The following MAMDC2 variants were observed in gnomAD, a reference collection of about 807,000 sequenced individuals.
MAMDC2 encodes the protein MAM domain containing 2.
Under a neutral mutation model 89.8 loss-of-function variants are expected in MAMDC2, and 57 were observed. The observed-to-expected ratio is 0.63, with a 90% CI of 0.51 to 0.79. The LOEUF is 0.79. Among genes scored for constraint, MAMDC2 ranks in the 30% least tolerant of loss-of-function variants. MAMDC2 has a pLI of 0.00. For synonymous variants in MAMDC2, 313 were observed against 293.4 expected, an observed-to-expected ratio of 1.07 and a Z score of -0.68; for missense variants, 800 against 820.6, an observed-to-expected ratio of 0.97 and a Z score of 0.31.
At chr9:70,136,703 A>G (rs866179677) in intron 7 of MAMDC2, among the ~76,000 whole-genome samples, 2 of 152,228 alleles carry the variant, frequency 1.3e-5, no homozygotes, top group African/African-American at 4.8e-5. Context: ...GTTTTCGTGC[A>G]TGGCACTTGG....
chr9:70,220,978 C>T (rs1412478429), intron 12 of MAMDC2, among the ~76,000 whole-genome samples: 1 of 152,026 alleles, frequency 6.6e-6, no homozygotes, highest in Non-Finnish European at 1.5e-5. Flanking sequence ...ACCTAAGTCT[C>T]CCTAGTCACT....
chr9:70,082,566 C>T (rs1404262553), intron 2 of MAMDC2: 2 of 152,064 alleles, frequency 1.3e-5, no homozygotes, highest in South Asian at 2.1e-4. Context: ...GGAGTGCTAT[C>T]ATCTTCTAAC....
At chr9:70,071,290 A>T (rs1237076843) in intron 2 of MAMDC2, among the ~76,000 whole-genome samples, 2 of 152,216 alleles carry the variant, frequency 1.3e-5, no homozygotes, top group African/African-American at 4.8e-5. Context: ...CAAATCAGAA[A>T]ATTCCCTGAT....
intron 11 of MAMDC2, among the ~76,000 whole-genome samples, chr9:70,208,358 A>G (rs1587572151): frequency 6.6e-6 from 1 of 152,186 alleles, no homozygotes; most frequent in East Asian, 1.9e-4. Context: ...ATCCCTTGTA[A>G]GTTGGATTCC....
At position 70,211,789 on chromosome 9, in the gene MAMDC2, C is replaced by T. The variant is rs140092806; in HGVS notation, c.1652-6548C>T. On this transcript the variant is annotated intron_variant, in intron 11 of 13. Coordinates refer to ENST00000377182, the MANE Select transcript of MAMDC2 (RefSeq NM_153267.5). Reference sequence around the variant, plus strand: ...TACCTTTGGTCTTTGATGATGGTAACGTACAGATGGGGTTTTGGTGTGGAT... The same window carrying T: ...TACCTTTGGTCTTTGATGATGGTAATGTACAGATGGGGTTTTGGTGTGGAT... Among the ~76,000 whole-genome samples the T allele has an allele frequency of 2.9e-3, 437 of 152,320 alleles. 5 individuals carry two copies. The highest frequency in any genetic ancestry group is 9.9e-3 in the African/African-American group (411 of 41,570).
intron 11 of MAMDC2, among the ~76,000 whole-genome samples, chr9:70,198,160 GTATATA>G (rs755641073): frequency 7.8e-5 from 4 of 51,138 alleles, no homozygotes; most frequent in Non-Finnish European, 1.3e-4. Context: ...GTGTATGTGT[GTATATA>G]TATATATATA....
chr9:70,181,310 G>C lies in MAMDC2; in HGVS notation c.1651+10679G>C, dbSNP rs12351302. ...TGATGCCTCCAGCTTTGTTCTTTTT[G>C]CTTAGGATAGTCTTGGCTATACAGG... On this transcript the variant is annotated intron_variant, in intron 11 of 13. Transcript: ENST00000377182. 9.9e-3 allele frequency among the ~76,000 whole-genome samples: 1,503 copies of C among 152,224 alleles called. 32 individuals carry two copies. The highest frequency in any genetic ancestry group is 0.034 in the African/African-American group (1,397 of 41,526).
intron 2 of MAMDC2, among the ~76,000 whole-genome samples, chr9:70,104,421 G>T (rs1052614213): frequency 2.6e-5 from 4 of 152,132 alleles, no homozygotes; most frequent in African/African-American, 9.7e-5. Context: ...TTTCCATGTG[G>T]CCTAACAATT....
In MAMDC2 at chr9:70,098,511, A is replaced by G. The variant is rs1278100507; in HGVS notation, c.149-9700A>G. ...ATCTTGACATGTTTAAAAGTCTTTT[A>G]GATTTGAGGCACTGCAGTAGAAAAA... On this transcript the variant is annotated intron_variant, in intron 2 of 13. Coordinates refer to ENST00000377182, the MANE Select transcript of MAMDC2 (RefSeq NM_153267.5). 4.6e-5 allele frequency among the ~76,000 whole-genome samples: 7 copies of G among 152,364 alleles called. No individual in the cohort carries two copies. In the East Asian group the frequency reaches 5.8e-4, roughly 13 times the overall value.
chr9:70,217,739 T>TA (rs1223610598), intron 11 of MAMDC2: 71 of 1,125,742 alleles, frequency 6.3e-5, no homozygotes, highest in Non-Finnish European at 8.1e-5. Context: ...TTTTCAAAAC[T>TA]AAAAAAAAGT....
intron 7 of MAMDC2, 60 bp from the exon 8 acceptor site, chr9:70,140,085 G>A: frequency 3.4e-6 from 5 of 1,478,442 alleles, no homozygotes; most frequent in Non-Finnish European, 4.5e-6. Flanking sequence ...CTGTCAACCA[G>A]TTGATGTAGT....
intron 9 of MAMDC2, among the ~76,000 whole-genome samples, chr9:70,154,592 A>G (rs1473594623): frequency 2.7e-5 from 4 of 145,730 alleles, no homozygotes; most frequent in Non-Finnish European, 6.0e-5. Flanking sequence ...TGGCACGATC[A>G]TGGTTCACTG....
At chr9:70,167,427 T>G (rs1036793281) in intron 9 of MAMDC2, among the ~76,000 whole-genome samples, 22 of 152,176 alleles carry the variant, frequency 1.4e-4, no homozygotes, top group Non-Finnish European at 7.4e-5. Flanking sequence ...AACAATAAAT[T>G]TAAAACATAA....
chr9:70,158,107 A>G (rs1429478006), intron 9 of MAMDC2, among the ~76,000 whole-genome samples: 1 of 152,062 alleles, frequency 6.6e-6, no homozygotes, highest in African/African-American at 2.4e-5. Context: ...ACAGGTGTGC[A>G]CCATCATGTA....
At chr9:70,144,419 A>G (rs2031330123) in intron 9 of MAMDC2, among the ~76,000 whole-genome samples, 1 of 152,220 alleles carries the variant, frequency 6.6e-6, no homozygotes, top group Non-Finnish European at 1.5e-5. Flanking sequence ...TGCAAGGGGA[A>G]TGGAAAAGAA....
At chr9:70,120,981 G>T (rs967688367) in intron 5 of MAMDC2, among the ~76,000 whole-genome samples, 8 of 152,170 alleles carry the variant, frequency 5.3e-5, no homozygotes, top group Middle Eastern at 3.2e-3. Context: ...AGACCAGGTT[G>T]TCTGCCCTAC....
At chr9:70,158,512 A>T (rs1036823567) in intron 9 of MAMDC2, among the ~76,000 whole-genome samples, 3 of 151,494 alleles carry the variant, frequency 2.0e-5, no homozygotes, top group African/African-American at 7.3e-5. Flanking sequence ...ATGTACATAT[A>T]TACATATAAA....
At chr9:70,127,894 A>T (rs1457736595) in intron 6 of MAMDC2, among the ~76,000 whole-genome samples, 2 of 152,214 alleles carry the variant, frequency 1.3e-5, no homozygotes, top group Admixed American at 1.3e-4. Flanking sequence ...ACACACACTG[A>T]CAGCGTTCTC....
intron 7 of MAMDC2, among the ~76,000 whole-genome samples, chr9:70,132,951 A>C (rs1406370503): frequency 6.6e-6 from 1 of 152,214 alleles, no homozygotes; most frequent in Non-Finnish European, 1.5e-5. Flanking sequence ...ATAGAACCAG[A>C]TTAGATTTAC....
Sources: allele counts gnomAD v4.1 joint callset (sites outside exome capture counted in the v4.1 genomes callset), GRCh38; gene constraint gnomAD v4.1.1; transcripts MANE v1.5; gene names NCBI Gene and HGNC (gene_info 2026-07-23, HGNC 2026-07-21).